The following TSC2 variants were observed in gnomAD, a reference collection of about 807,000 sequenced individuals.
TSC2 encodes TSC complex subunit 2, also known as tuberin.
A neutral mutation model predicts 202.2 loss-of-function variants in TSC2; 29 were observed. The ratio of observed to expected loss-of-function variants is 0.14; its 90% CI spans 0.11 to 0.20. The LOEUF (loss-of-function observed/expected upper bound fraction) is 0.20, where lower values mean the gene tolerates loss of function less well. Among genes scored for constraint, TSC2 ranks in the 10% least tolerant of loss-of-function variants. The pLI is 1.00. For synonymous variants in TSC2, 1,349 were observed against 1,044.0 expected (o/e 1.29, Z -5.63); for missense variants, 2,429 against 2,420.0 (o/e 1.00, Z -0.08).
chr16:2,087,104 A>T (rs1046406159), intron 38 of TSC2: 4 of 634,286 alleles, frequency 6.3e-6, no homozygotes, highest in African/African-American at 5.5e-5. Context: ...TGGCAAGTGC[A>T]GACTGGGTGT....
At chr16:2,062,245 CTG>C (rs1371804713) in intron 12 of TSC2, among the ~76,000 whole-genome samples, 7 of 152,244 alleles carry the variant, frequency 4.6e-5, no homozygotes, top group Non-Finnish European at 7.3e-5. Context: ...CCATCCGGCT[CTG>C]TAGAGTCCTG....
chr16:2,063,282 A>G, intron 14 of TSC2: 1 of 624,670 alleles, frequency 1.6e-6, no homozygotes, highest in Non-Finnish European at 2.9e-6. Context: ...AGGAAGGCAC[A>G]GTGCCTGCCC....
At position 2,056,909 on chromosome 16, in the gene TSC2, CCAGG is replaced by C. The variant is rs1037406835; in HGVS notation, c.774+144_774+147del. The C allele has an allele frequency of 1.7e-5, 25 of 1,483,434 alleles. No homozygotes were observed. The African/African-American group carries it at 3.3e-4, about 20-fold the overall frequency. The allele number at this position is 1,483,434 out of a possible 1,614,324, so 91.9% of individuals were successfully genotyped here. A position where few individuals can be genotyped will look rare whatever the true frequency, so the allele number is the denominator to read the frequency against. Reference sequence around the variant, plus strand: ...TTGAGGGACGGCCAGTGTCATTTTCCCAGGCAGTTGAGCTGAGGTCAGGGTTTTG... The same window carrying C: ...TTGAGGGACGGCCAGTGTCATTTTCCCAGTTGAGCTGAGGTCAGGGTTTTG... On this transcript the variant is annotated intron_variant, in intron 8 of 41. Transcript: ENST00000219476.
intron 11 of TSC2, 71 bp downstream of exon 11, chr16:2,060,884 G>C: frequency 6.3e-7 from 1 of 1,581,002 alleles, no homozygotes; most frequent in Admixed American, 1.7e-5. Flanking sequence ...CTCAGAAGAT[G>C]GTACCTTGGG....
chr16:2,080,718 T>A, intron 30 of TSC2: 2 of 301,570 alleles, frequency 6.6e-6, no homozygotes, highest in East Asian at 8.1e-5. Flanking sequence ...TCTCCTGACC[T>A]CGTGATCCGC....
rs2151157243 is a variant in TSC2 at position 2,062,003 on chromosome 16, A to T, written c.1252A>T (p.Arg418Trp). Residue 418 changes from arginine (R) to tryptophan (W), a missense_variant, in exon 12 of 42, where the codon AGG (arginine) becomes TGG (tryptophan). By Grantham distance (101) the Arg-to-Trp change is moderately radical. Transcript: ENST00000219476. ...ACTGGTGGAGAGATGTGCGGACCAGAGGCCTGTGAGACCCCCTCCTGGGTG... is the reference window on the plus strand; with the variant it reads ...ACTGGTGGAGAGATGTGCGGACCAGTGGCCTGTGAGACCCCCTCCTGGGTG... ...FELVERCADQRPESSLLNLIS... is the reference protein window; with the variant it reads ...FELVERCADQWPESSLLNLIS... 6.2e-7 allele frequency: 1 copy of T among 1,614,098 alleles called. No homozygotes were observed.
At chr16:2,085,141 C>T in intron 35 of TSC2, 89 bp from the exon 36 acceptor site, 1 of 1,603,918 alleles carries the variant, frequency 6.2e-7, no homozygotes. Flanking sequence ...GGCCTAAGCT[C>T]CCTGTGGCAG....
chr16:2,075,695 C>A, intron 22 of TSC2, 104 bp from the exon 23 acceptor site: 1 of 1,272,352 alleles, frequency 7.9e-7, no homozygotes. Flanking sequence ...GGCCTTCTCT[C>A]CTCTGCAGCA....
rs946673791 is a variant in TSC2, at chr16:2,079,325, C to T, written c.3181C>T (p.Leu1061=). The T allele has an allele frequency of 3.1e-6, 5 of 1,612,938 alleles. No homozygotes were observed. The African/African-American group carries it at 6.7e-5, about 22-fold the overall frequency. ...LLAGGRTKTW[L]VGNKLVTVTT... is the part of the protein sequence containing the mutation. Reference sequence around the variant, plus strand: ...AGCGGGTGGCAGGACCAAAACCTGGCTGGTTGGGAACAAGCTTGTCACTGT... The same window carrying T: ...AGCGGGTGGCAGGACCAAAACCTGGTTGGTTGGGAACAAGCTTGTCACTGT... Residue 1061 remains leucine (L), a synonymous_variant, in exon 28 of 42, where the codon CTG becomes TTG. Coordinates refer to ENST00000219476, the MANE Select transcript of TSC2 (RefSeq NM_000548.5). The surrounding 1 kb of genome is among the most constrained non-coding windows in gnomAD (Gnocchi z 4.6).
At chr16:2,057,589 C>T (rs2086033781) in intron 9 of TSC2, among the ~76,000 whole-genome samples, 1 of 152,278 alleles carries the variant, frequency 6.6e-6, no homozygotes, top group South Asian at 2.1e-4. Context: ...CCCATGCTGC[C>T]AGCTCCCCCT....
intron 21 of TSC2, among the ~76,000 whole-genome samples, chr16:2,073,606 C>G (rs1340110840): frequency 6.6e-6 from 1 of 152,222 alleles, no homozygotes; most frequent in Non-Finnish European, 1.5e-5. Flanking sequence ...GTTCCCATCC[C>G]TCAGGCTCAG....
rs1358527360 is a variant in TSC2 at position 2,082,462 on chromosome 16, T to C, written c.3841T>C (p.Ser1281Pro). The change falls in exon 32 of 42, where the codon TCC (serine) becomes CCC (proline). Residue 1281 changes from serine (S) to proline (P), a missense_variant. Transcript: ENST00000219476. ...TVASFSSLYQ[S>P]SCQGQLHRSV... ...GGCCTCTTTCTCCTCCCTGTACCAG[T>C]CCAGCTGCCAAGGACAGCTGCACAG... 6.2e-7 allele frequency: 1 copy of C among 1,612,368 alleles called. No individual in the cohort carries two copies. Among genetic ancestry groups the C allele is most frequent in the East Asian group, 2.2e-5 (1 of 44,882 alleles).
At chr16:2,068,574 A>G (rs972131759) in intron 16 of TSC2, 4 of 152,158 alleles carry the variant, frequency 2.6e-5, no homozygotes, top group African/African-American at 9.7e-5. Flanking sequence ...AAGCTAGAGA[A>G]AAGCAAATGC....
In TSC2 at chr16:2,088,036, A is replaced by G. The variant is rs1279354127; in HGVS notation, c.5069-12A>G. On this transcript the variant is annotated splice_polypyrimidine_tract_variant and intron_variant, in intron 39 of 41. Coordinates refer to ENST00000219476, the MANE Select transcript of TSC2 (RefSeq NM_000548.5). Reference sequence around the variant, plus strand: ...GAGCCCTGGGCCTGGCGTGACCACCAAGTCTCCCCAGACATGGAGGGCCTT... The same window carrying G: ...GAGCCCTGGGCCTGGCGTGACCACCGAGTCTCCCCAGACATGGAGGGCCTT... The G allele has an allele frequency of 6.2e-7, 1 of 1,611,740 alleles. No homozygotes were observed. The highest frequency in any genetic ancestry group is 8.5e-7 in the Non-Finnish European group (1 of 1,179,808).
intron 10 of TSC2, among the ~76,000 whole-genome samples, chr16:2,059,705 G>A (rs370937204): frequency 6.6e-6 from 1 of 152,026 alleles, no homozygotes; most frequent in African/African-American, 2.4e-5. Flanking sequence ...TTTTAGTAGA[G>A]ACTGGGTTTC....
chr16:2,070,336 T>C, intron 16 of TSC2, 120 bp from the exon 17 acceptor site: 7 of 1,555,246 alleles, frequency 4.5e-6, no homozygotes, highest in South Asian at 1.1e-5. Flanking sequence ...TTGAAGGTCG[T>C]GTGTTTTGAA....
At chr16:2,086,083 T>G in intron 36 of TSC2, 110 bp from the exon 37 acceptor site, 2 of 1,302,088 alleles carry the variant, frequency 1.5e-6, no homozygotes, top group Non-Finnish European at 2.2e-6. Flanking sequence ...CTTGTCTGCC[T>G]CAGGGATCAG....
At position 2,083,681 on chromosome 16, in the gene TSC2, C is replaced by G. The variant is rs2090413246; in HGVS notation, c.3884-14C>G. 6.4e-7 allele frequency: 1 copy of G among 1,572,232 alleles called. No homozygotes were observed. The highest frequency in any genetic ancestry group is 1.2e-5 in the South Asian group (1 of 85,776). ...CCAGCCCCACATCCAGCAGCCCCGT[C>G]TGTGTCCTCCCAGACTCCGCCGTGG... On this transcript the variant is annotated splice_polypyrimidine_tract_variant and intron_variant, in intron 32 of 41. Coordinates refer to ENST00000219476, the MANE Select transcript of TSC2 (RefSeq NM_000548.5).
At chr16:2,082,139 G>T in intron 31 of TSC2, 1 of 591,302 alleles carries the variant, frequency 1.7e-6, no homozygotes, top group Non-Finnish European at 3.0e-6. Context: ...GAGCCCGCCT[G>T]CGCACTCTGG....
Sources: gnomAD v4.1 joint callset for allele counts (sites outside exome capture counted in the v4.1 genomes callset) on GRCh38, gnomAD v4.1.1 for gene constraint, Gnocchi (gnomAD v3.1) non-coding constraint, MANE v1.5 for transcripts, NCBI Gene and HGNC (gene_info 2026-07-23, HGNC 2026-07-21) for gene names.